The following KCNS3 variants were observed in gnomAD, a reference collection of about 807,000 sequenced individuals.
KCNS3 encodes potassium voltage-gated channel modifier subfamily S member 3.
A neutral mutation model predicts 31.0 loss-of-function variants in KCNS3; 13 were observed. That is an observed-to-expected ratio of 0.42 (90% confidence interval 0.27 to 0.67). KCNS3 has a LOEUF of 0.67. Ranked by LOEUF, KCNS3 falls within the 30% of genes least tolerant of loss-of-function variation. The pLI, the probability that KCNS3 is intolerant of heterozygous loss-of-function variation, is 0.25. For missense variants in KCNS3, 545 were observed against 622.4 expected, an observed-to-expected ratio of 0.88 and a Z score of 1.32; for synonymous variants, 238 against 241.5, an observed-to-expected ratio of 0.99 and a Z score of 0.13.
chr2:17,921,938 T>TATATATATAC (rs1662723252), intron 2 of KCNS3, among the ~76,000 whole-genome samples: 1 of 84,572 alleles, frequency 1.2e-5, no homozygotes, highest in Non-Finnish European at 2.2e-5. Context: ...TATATATATA[T>TATATATATAC]ATATATATAT....
At chr2:17,884,260 AAAAAAAAAATAT>A (rs1390851958) in intron 1 of KCNS3, among the ~76,000 whole-genome samples, 3,531 of 81,216 alleles carry the variant, frequency 0.043, 123 homozygotes, top group African/African-American at 0.13. Context: ...TATAATTAAA[AAAAAAAAAATAT>A]ATATATATAT....
At chr2:17,913,097 C>T (rs1386515489) in intron 1 of KCNS3, among the ~76,000 whole-genome samples, 1 of 150,252 alleles carries the variant, frequency 6.7e-6, no homozygotes, top group Non-Finnish European at 1.5e-5. Flanking sequence ...CACACTAAAT[C>T]CAATTATGGC....
Position 17,931,134 on chromosome 2 carries a change from G to A in KCNS3, c.126G>A (p.Gly42=). ...TGCGGTTTCCTCACACCAGACTGGG[G>A]AAGCTGCTTACTTGCCATTCTGAAG... The part of the protein sequence containing the change: ...TLLRFPHTRL[G]KLLTCHSEEA... The change falls in exon 3 of 3, where the codon GGG becomes GGA. Residue 42 remains glycine (G), a synonymous_variant. Coordinates refer to ENST00000304101, the MANE Select transcript of KCNS3 (RefSeq NM_002252.5). The surrounding 1 kb of genome is among the most constrained non-coding windows in gnomAD (Gnocchi z 5.4). 1.9e-6 allele frequency: 3 copies of A among 1,614,236 alleles called. No homozygotes were observed. Among genetic ancestry groups the A allele is most frequent in the Non-Finnish European group, 2.5e-6 (3 of 1,180,032 alleles).
At chr2:17,912,025 C>T (rs1662481600) in intron 1 of KCNS3, among the ~76,000 whole-genome samples, 1 of 152,196 alleles carries the variant, frequency 6.6e-6, no homozygotes, top group Admixed American at 6.5e-5. Flanking sequence ...TTAATGGCTA[C>T]AGAGTATTCA....
chr2:17,888,631 AT>A (rs1661755740), intron 1 of KCNS3, among the ~76,000 whole-genome samples: 1 of 30,448 alleles, frequency 3.3e-5, no homozygotes, highest in Non-Finnish European at 7.7e-5. Flanking sequence ...AAAAAAATGT[AT>A]ATATATATAT....
chr2:17,931,018 G>C lies in KCNS3; in HGVS notation c.10G>C (p.Gly4Arg), dbSNP rs1391752193. The change falls in exon 3 of 3, where the codon GGT becomes CGT. Residue 4 changes from glycine (G) to arginine (R), a missense_variant. Coordinates refer to ENST00000304101, the MANE Select transcript of KCNS3 (RefSeq NM_002252.5). This position sits in a 1 kb window ranked among gnomAD's most constrained non-coding sequence, Gnocchi z 5.4. MVF[G>R]EFFHRPGQDE... ...GCCTTCTGTATCCACCATGGTGTTT[G>C]GTGAGTTTTTCCATCGCCCTGGACA... is the stretch of plus-strand genomic sequence containing the variant. The C allele has an allele frequency of 1.2e-6, 2 of 1,613,244 alleles. No individual in the cohort carries two copies.
At chr2:17,929,401 G>A (rs907597573) in intron 2 of KCNS3, among the ~76,000 whole-genome samples, 1 of 152,204 alleles carries the variant, frequency 6.6e-6, no homozygotes, top group Non-Finnish European at 1.5e-5. Context: ...GAGAGAGAGA[G>A]TGAAGGGGGA....
chr2:17,915,078 T>C (rs1327981979), intron 1 of KCNS3, among the ~76,000 whole-genome samples: 1 of 152,126 alleles, frequency 6.6e-6, no homozygotes. Flanking sequence ...ATGGAGGCAG[T>C]CATTTGTTCA....
chr2:17,899,130 G>A (rs1431553468), intron 1 of KCNS3, among the ~76,000 whole-genome samples: 1 of 152,096 alleles, frequency 6.6e-6, no homozygotes, highest in Non-Finnish European at 1.5e-5. Flanking sequence ...GGAGGCTGAG[G>A]CAGGAGCATC....
chr2:17,908,017 G>T (rs927004491), intron 1 of KCNS3, among the ~76,000 whole-genome samples: 3 of 152,158 alleles, frequency 2.0e-5, no homozygotes, highest in Admixed American at 1.3e-4. Context: ...ACCTTTCTGG[G>T]TTGGGGATGT....
chr2:17,913,878 T>G (rs1271176828), intron 1 of KCNS3, among the ~76,000 whole-genome samples: 5 of 152,228 alleles, frequency 3.3e-5, no homozygotes, highest in Non-Finnish European at 5.9e-5. Flanking sequence ...AGGCTAGGGG[T>G]GCTGCTAAAC....
chr2:17,895,067 C>T (rs1247577410), intron 1 of KCNS3, among the ~76,000 whole-genome samples: 9 of 152,048 alleles, frequency 5.9e-5, no homozygotes, highest in African/African-American at 2.2e-4. Flanking sequence ...CTGGGCAAAG[C>T]GTTTAAAAAA....
intron 1 of KCNS3, among the ~76,000 whole-genome samples, chr2:17,882,343 A>G (rs959859365): frequency 2.0e-5 from 3 of 152,236 alleles, no homozygotes; most frequent in African/African-American, 7.2e-5. Flanking sequence ...CCTCAGAGCA[A>G]CTGAGAGTTA....
At chr2:17,892,240 T>G (rs932634863) in intron 1 of KCNS3, among the ~76,000 whole-genome samples, 2 of 152,044 alleles carry the variant, frequency 1.3e-5, no homozygotes, top group African/African-American at 4.8e-5. Context: ...CCAGAGCATT[T>G]CACATTTCTA....
At chr2:17,881,441 A>C (rs988495181) in intron 1 of KCNS3, among the ~76,000 whole-genome samples, 1 of 152,162 alleles carries the variant, frequency 6.6e-6, no homozygotes, top group Non-Finnish European at 1.5e-5. Context: ...CATTTTGCTA[A>C]TCTGGGTCTT....
At chr2:17,892,625 G>T (rs1661887167) in intron 1 of KCNS3, among the ~76,000 whole-genome samples, 1 of 152,178 alleles carries the variant, frequency 6.6e-6, no homozygotes, top group Non-Finnish European at 1.5e-5. Context: ...CCCACTGGGT[G>T]TTCCCTTGAT....
chr2:17,903,575 T>C (rs1662238213), intron 1 of KCNS3, among the ~76,000 whole-genome samples: 1 of 152,174 alleles, frequency 6.6e-6, no homozygotes, highest in African/African-American at 2.4e-5. Flanking sequence ...TCATTTAACA[T>C]TAGGTATATC....
At chr2:17,909,358 C>A (rs889569436) in intron 1 of KCNS3, among the ~76,000 whole-genome samples, 1 of 152,168 alleles carries the variant, frequency 6.6e-6, no homozygotes, top group Non-Finnish European at 1.5e-5. Flanking sequence ...CCATCTGTCA[C>A]CCCTTACCTT....
intron 1 of KCNS3, among the ~76,000 whole-genome samples, chr2:17,897,366 C>T (rs751174898): frequency 4.6e-5 from 7 of 152,170 alleles, no homozygotes; most frequent in South Asian, 2.1e-4. Context: ...CAAATGCATG[C>T]GTCTTTTTGG....
Sources: gnomAD v4.1 joint callset for allele counts (sites outside exome capture counted in the v4.1 genomes callset) on GRCh38, gnomAD v4.1.1 for gene constraint, Gnocchi (gnomAD v3.1) non-coding constraint, MANE v1.5 for transcripts, NCBI Gene and HGNC (gene_info 2026-07-23, HGNC 2026-07-21) for gene names.